The following DOCK9 variants were observed in gnomAD, a reference collection of about 807,000 sequenced individuals.
The protein encoded by DOCK9 is dedicator of cytokinesis 9.
DOCK9 carries 89 observed loss-of-function variants against 263.3 expected under a neutral mutation model. The observed-to-expected ratio is 0.34, with a 90% CI of 0.28 to 0.40. The LOEUF is 0.40. Ranked by LOEUF, DOCK9 falls within the 10% of genes least tolerant of loss-of-function variation. DOCK9 has a pLI of 1.00. For synonymous variants in DOCK9, 976 were observed against 973.1 expected, an observed-to-expected ratio of 1.00 and a Z score of -0.06; for missense variants, 2,140 against 2,603.4, an observed-to-expected ratio of 0.82 and a Z score of 3.87.
chr13:98,962,600 T>C (rs1021724089), intron 1 of DOCK9, among the ~76,000 whole-genome samples: 1 of 151,694 alleles, frequency 6.6e-6, no homozygotes, highest in African/African-American at 2.4e-5. Context: ...AATAGAGCTA[T>C]TCATATTATT....
chr13:98,795,425 A>G (rs1176092912), intron 52 of DOCK9, among the ~76,000 whole-genome samples: 3 of 152,196 alleles, frequency 2.0e-5, no homozygotes, highest in Admixed American at 6.5e-5. Context: ...AAACATCGAA[A>G]GCAAGTCTAC....
intron 1 of DOCK9, among the ~76,000 whole-genome samples, chr13:99,038,288 C>CCTTT (rs1888110933): frequency 2.3e-5 from 2 of 86,262 alleles, no homozygotes; most frequent in African/African-American, 4.6e-5. Flanking sequence ...TTATGCCCCC[C>CCTTT]TTTTTTTTTT....
chr13:98,899,481 G>A (rs1031888664), intron 13 of DOCK9, among the ~76,000 whole-genome samples: 41 of 152,270 alleles, frequency 2.7e-4, no homozygotes, highest in African/African-American at 9.4e-4. Flanking sequence ...GCCTTCATGA[G>A]TAACCTGGAA....
chr13:98,988,829 CA>C (rs1474685112), intron 1 of DOCK9, among the ~76,000 whole-genome samples: 1 of 152,214 alleles, frequency 6.6e-6, no homozygotes, highest in African/African-American at 2.4e-5. Context: ...AGAGGAAATG[CA>C]GATGCAAGAG....
Position 98,880,683 on chromosome 13 carries a change from A to C in DOCK9, c.2746-11T>G. The C allele has an allele frequency of 6.2e-7, 1 of 1,612,228 alleles. No individual in the cohort carries two copies. The highest frequency in any genetic ancestry group is 2.2e-5 in the East Asian group (1 of 44,832). Reference sequence around the variant, plus strand: ...AGCCTTATACGCGTACTTTGAAGAAAAGAGAAAGAGACTTTAATGCACTGG... The same window carrying C: ...AGCCTTATACGCGTACTTTGAAGAACAGAGAAAGAGACTTTAATGCACTGG... On this transcript the variant is annotated splice_polypyrimidine_tract_variant and intron_variant, in intron 25 of 52. Coordinates refer to ENST00000682017, the MANE Select transcript of DOCK9 (RefSeq NM_001366683.2).
At chr13:98,841,639 G>A (rs879931365) in intron 38 of DOCK9, among the ~76,000 whole-genome samples, 34 of 62,232 alleles carry the variant, frequency 5.5e-4, no homozygotes, top group Non-Finnish European at 3.4e-4. Context: ...TTTTTTTTTT[G>A]GAGACGAAGT....
At chr13:98,839,903 C>T (rs1044748014) in intron 38 of DOCK9, among the ~76,000 whole-genome samples, 8 of 152,204 alleles carry the variant, frequency 5.3e-5, no homozygotes, top group Non-Finnish European at 2.9e-5. Context: ...GACATCGGTA[C>T]GCTTGCCTGA....
At chr13:98,845,803 T>C in intron 38 of DOCK9, 121 bp downstream of exon 38, 1 of 1,317,800 alleles carries the variant, frequency 7.6e-7, no homozygotes, top group Admixed American at 2.1e-5. Flanking sequence ...CTCTTCATCC[T>C]ACTTGCTTTG....
At chr13:99,029,133 C>T (rs1227226703) in intron 1 of DOCK9, among the ~76,000 whole-genome samples, 2 of 152,200 alleles carry the variant, frequency 1.3e-5, no homozygotes, top group East Asian at 3.8e-4. Flanking sequence ...AGCAGCAGTT[C>T]CTTCTAGTGC....
chr13:98,796,369 A>G (rs9554524), intron 52 of DOCK9, among the ~76,000 whole-genome samples: 63,841 of 151,956 alleles, frequency 0.42, 13,866 homozygotes, highest in East Asian at 0.62. Context: ...CTGAAGGACG[A>G]TAATGGAGGG....
chr13:98,804,966 G>T, intron 49 of DOCK9, 33 bp downstream of exon 49: 1 of 1,565,778 alleles, frequency 6.4e-7, no homozygotes, highest in Non-Finnish European at 8.7e-7. Context: ...GAGGTGTCCG[G>T]GCTCGTGTCC....
At chr13:98,960,297 C>A (rs1226015053) in intron 1 of DOCK9, among the ~76,000 whole-genome samples, 1 of 152,170 alleles carries the variant, frequency 6.6e-6, no homozygotes, top group Non-Finnish European at 1.5e-5. Context: ...CCTGAGAATT[C>A]ATGAGTTTGA....
At chr13:99,075,684 T>G (rs984108666) in intron 1 of DOCK9, among the ~76,000 whole-genome samples, 1 of 32,578 alleles carries the variant, frequency 3.1e-5, no homozygotes, top group Non-Finnish European at 7.2e-5. Flanking sequence ...ATTTATAACT[T>G]TTTTTTTTTT....
chr13:98,853,847 T>C (rs1318113996), intron 34 of DOCK9, among the ~76,000 whole-genome samples: 2 of 152,152 alleles, frequency 1.3e-5, no homozygotes, highest in African/African-American at 4.8e-5. Flanking sequence ...TGAAACCTCA[T>C]GCAAGAAAGT....
intron 45 of DOCK9, among the ~76,000 whole-genome samples, chr13:98,814,998 C>CATAACATAACATAA (rs2091713743): frequency 7.1e-6 from 1 of 140,662 alleles, no homozygotes; most frequent in Admixed American, 7.2e-5. Context: ...AATAAAATAA[C>CATAACATAACATAA]CTTAATTTTT....
intron 44 of DOCK9, 120 bp from the exon 45 acceptor site, chr13:98,824,624 T>C: frequency 1.1e-6 from 1 of 887,866 alleles, no homozygotes; most frequent in Non-Finnish European, 1.8e-6. Flanking sequence ...TGAAATCTCT[T>C]AGGCACCAGG....
In DOCK9 at chr13:98,950,832, G is replaced by A. The variant is rs138069285; in HGVS notation, c.243+4603C>T. Among the ~76,000 whole-genome samples, 1,054 of 152,234 alleles carry A rather than the reference G, an allele frequency of 6.9e-3. 3 individuals carry two copies. Among genetic ancestry groups the A allele is most frequent in the African/African-American group, 0.012 (478 of 41,540 alleles). ...TTAAAAGCCAGATGAAGATGCCGTCGGTTAATCGCAGGGTTAACAATGTCC... is the reference window on the plus strand; with the variant it reads ...TTAAAAGCCAGATGAAGATGCCGTCAGTTAATCGCAGGGTTAACAATGTCC... On this transcript the variant is annotated intron_variant, in intron 2 of 52. Transcript: ENST00000682017.
Position 98,934,096 on chromosome 13 carries a change from G to T in DOCK9, c.244-3839C>A, listed in dbSNP as rs547236537. Among the ~76,000 whole-genome samples the T allele has an allele frequency of 1.3e-4, 20 of 151,786 alleles. 1 individual carries two copies. The East Asian group carries it at 3.9e-3, about 29-fold the overall frequency. ...AATTTTTGGAGAGATGGGGGCGGGG[G>T]GTCTCACCATTTTGTCCAGGCTGGT... On this transcript the variant is annotated intron_variant, in intron 2 of 52. Transcript: ENST00000682017.
At chr13:98,969,463 G>GA (rs56102330) in intron 1 of DOCK9, among the ~76,000 whole-genome samples, 23,129 of 148,954 alleles carry the variant, frequency 0.16, 2,500 homozygotes, top group East Asian at 0.46. Context: ...GCGGGAGAAA[G>GA]AAAAAAAAAA....
Sources: allele counts gnomAD v4.1 joint callset (sites outside exome capture counted in the v4.1 genomes callset), GRCh38; gene constraint gnomAD v4.1.1; transcripts MANE v1.5; gene names NCBI Gene and HGNC (gene_info 2026-07-23, HGNC 2026-07-21).